The following SLC4A4 variants were observed in gnomAD, a reference collection of about 807,000 sequenced individuals.
The protein encoded by SLC4A4 is electrogenic sodium bicarbonate cotransporter 1.
Under a neutral mutation model 111.5 loss-of-function variants are expected in SLC4A4, and 27 were observed. The ratio of observed to expected loss-of-function variants is 0.24; its 90% CI spans 0.18 to 0.33. The LOEUF is 0.33. Among genes scored for constraint, SLC4A4 ranks in the 10% least tolerant of loss-of-function variants. The pLI is 1.00. For missense variants in SLC4A4, 909 were observed against 1,315.5 expected, an observed-to-expected ratio of 0.69 and a Z score of 4.78; for synonymous variants, 443 against 463.4, an observed-to-expected ratio of 0.96 and a Z score of 0.57.
intron 5 of SLC4A4, among the ~76,000 whole-genome samples, chr4:71,352,488 C>A (rs1729931184): frequency 1.3e-5 from 2 of 152,170 alleles, no homozygotes; most frequent in African/African-American, 4.8e-5. Context: ...GGGAAGATGT[C>A]ATATATTAAT....
At chr4:71,423,964 T>C (rs1722820625) in intron 7 of SLC4A4, among the ~76,000 whole-genome samples, 3 of 152,086 alleles carry the variant, frequency 2.0e-5, no homozygotes, top group African/African-American at 7.2e-5. Context: ...CCAAAAGCAA[T>C]GGCAACAAAA....
At chr4:71,437,127 T>C (rs1158990701) in intron 7 of SLC4A4, 7 of 464,064 alleles carry the variant, frequency 1.5e-5, no homozygotes, top group Non-Finnish European at 3.0e-5. Flanking sequence ...TATCAGTTCC[T>C]ATATCTGAGT....
chr4:71,106,720 C>T (rs1450923459), intron 2 of SLC4A4, among the ~76,000 whole-genome samples: 68 of 105,312 alleles, frequency 6.5e-4, no homozygotes, highest in Middle Eastern at 5.0e-3. Context: ...GGGAATTGAA[C>T]AATGAGATCA....
chr4:71,373,870 G>A (rs540680897), intron 6 of SLC4A4, among the ~76,000 whole-genome samples: 50 of 152,258 alleles, frequency 3.3e-4, no homozygotes, highest in Admixed American at 9.2e-4. Context: ...AATGTTAGGG[G>A]AGGAAGAGAA....
intron 3 of SLC4A4, among the ~76,000 whole-genome samples, chr4:71,310,471 C>A (rs897663962): frequency 2.6e-5 from 4 of 152,190 alleles, no homozygotes; most frequent in African/African-American, 4.8e-5. Context: ...GGAAACCTAT[C>A]AGACTAACAG....
intron 3 of SLC4A4, among the ~76,000 whole-genome samples, chr4:71,265,003 C>T (rs187338894): frequency 1.1e-4 from 17 of 152,310 alleles, no homozygotes; most frequent in African/African-American, 4.1e-4. Flanking sequence ...GCTCCAACCA[C>T]ACTTGGAAGG....
At chr4:71,143,487 T>A (rs560879046) in intron 2 of SLC4A4, among the ~76,000 whole-genome samples, 1 of 152,304 alleles carries the variant, frequency 6.6e-6, no homozygotes, top group Admixed American at 6.5e-5. Flanking sequence ...CTGGGTCAAA[T>A]GGTATTTCTA....
At position 71,397,633 on chromosome 4, in the gene SLC4A4, G is replaced by C. The variant is rs1296422829; in HGVS notation, c.787G>C (p.Asp263His). Residue 263 changes from aspartate (D) to histidine (H), a missense_variant, in exon 7 of 26, where the codon GAT becomes CAT. Asp to His is a moderately conservative substitution (Grantham distance 81). Transcript: ENST00000264485. ...TTCCTCCAGTCTGAATGACATTTCT[G>C]ATAAACCGGAGAAGGACCAGGTAAG... ...LTSSSLNDISDKPEKDQLKNK... is the reference protein window; with the variant it reads ...LTSSSLNDISHKPEKDQLKNK... 6.2e-7 allele frequency: 1 copy of C among 1,613,958 alleles called. No individual in the cohort carries two copies. The highest frequency in any genetic ancestry group is 8.5e-7 in the Non-Finnish European group (1 of 1,179,896).
At chr4:71,424,427 G>A (rs1399010991) in intron 7 of SLC4A4, among the ~76,000 whole-genome samples, 1 of 151,742 alleles carries the variant, frequency 6.6e-6, no homozygotes, top group African/African-American at 2.4e-5. Flanking sequence ...GTGGAAGTCA[G>A]TGTGGCGATT....
Position 71,294,669 on chromosome 4 carries a change from G to T in SLC4A4, c.253+39270G>T, listed in dbSNP as rs114718672. ...AGAGATTTTGCCATCAATTACAGAA[G>T]ACACATATGTCACTGGATTTAGGAC... On this transcript the variant is annotated intron_variant, in intron 3 of 25. Transcript: ENST00000264485. Among the ~76,000 whole-genome samples, 145 of 152,304 alleles carry T rather than the reference G, an allele frequency of 9.5e-4. 2 individuals are homozygous for T. The highest frequency in any genetic ancestry group is 3.3e-3 in the African/African-American group (136 of 41,568).
chr4:71,409,867 AG>A (rs1436819891), intron 7 of SLC4A4, among the ~76,000 whole-genome samples: 1 of 152,178 alleles, frequency 6.6e-6, no homozygotes. Context: ...TATGCAGCCT[AG>A]GGATTTGGTG....
intron 1 of SLC4A4, among the ~76,000 whole-genome samples, chr4:71,220,521 A>G (rs1718677498): frequency 6.6e-6 from 1 of 151,994 alleles, no homozygotes; most frequent in Non-Finnish European, 1.5e-5. Context: ...TAATACAATT[A>G]ATAATAATTC....
intron 1 of SLC4A4, among the ~76,000 whole-genome samples, chr4:71,229,808 C>T (rs1327780419): frequency 1.4e-5 from 2 of 144,388 alleles, no homozygotes; most frequent in Non-Finnish European, 3.0e-5. Flanking sequence ...AGAGCCCCTG[C>T]GAAGTTTTTT....
chr4:71,502,569 G>A (rs1050054374), intron 16 of SLC4A4, among the ~76,000 whole-genome samples: 2 of 152,000 alleles, frequency 1.3e-5, no homozygotes, highest in African/African-American at 4.8e-5. Context: ...TTTTTAATTT[G>A]TTTACTTACA....
intron 9 of SLC4A4, 114 bp downstream of exon 9, chr4:71,447,847 T>TAAGGA: frequency 1.3e-6 from 1 of 748,508 alleles, no homozygotes; most frequent in Non-Finnish European, 2.4e-6. Context: ...GACTTCCTTA[T>TAAGGA]AGCATGAGGT....
intron 2 of SLC4A4, among the ~76,000 whole-genome samples, chr4:71,175,074 T>G (rs1426811646): frequency 6.6e-6 from 1 of 152,258 alleles, no homozygotes; most frequent in African/African-American, 2.4e-5. Context: ...CAGGTAGGCT[T>G]CTGTTTAAAT....
chr4:71,210,366 A>G (rs1718054565), intron 1 of SLC4A4, among the ~76,000 whole-genome samples: 1 of 152,270 alleles, frequency 6.6e-6, no homozygotes, highest in South Asian at 2.1e-4. Flanking sequence ...GTCAAAAAAC[A>G]TGATGACTTA....
At chr4:71,444,781 T>G (rs140851325) in intron 8 of SLC4A4, among the ~76,000 whole-genome samples, 3 of 152,328 alleles carry the variant, frequency 2.0e-5, no homozygotes, top group African/African-American at 7.2e-5. Flanking sequence ...CTCATCCCAT[T>G]TCAATAATGC....
At chr4:71,334,922 T>G (rs1728313817) in intron 3 of SLC4A4, among the ~76,000 whole-genome samples, 1 of 152,186 alleles carries the variant, frequency 6.6e-6, no homozygotes, top group South Asian at 2.1e-4. Context: ...TATTTTTTTC[T>G]GTTAGAGGTG....
Sources: gnomAD v4.1 joint callset for allele counts (sites outside exome capture counted in the v4.1 genomes callset) on GRCh38, gnomAD v4.1.1 for gene constraint, MANE v1.5 for transcripts, NCBI Gene and HGNC (gene_info 2026-07-23, HGNC 2026-07-21) for gene names.